Variants in ASPRV1 observed in about 807,000 individuals in gnomAD.
ASPRV1 encodes the protein retroviral-like aspartic protease 1.
In ASPRV1, 7 loss-of-function variants were observed where a neutral mutation model predicts 11.0. The observed-to-expected ratio is 0.64, with a 90% CI of 0.36 to 1.20. The LOEUF (loss-of-function observed/expected upper bound fraction) is 1.20. Among genes scored for constraint, ASPRV1 ranks in the 50% most tolerant of loss-of-function variants. The probability of loss-of-function intolerance (pLI) is 0.02; values close to 1 mark genes in which losing one functional copy is unlikely to be tolerated. For missense variants in ASPRV1, 299 were observed against 320.0 expected, an observed-to-expected ratio of 0.93 and a Z score of 0.50; for synonymous variants, 136 against 138.4, an observed-to-expected ratio of 0.98 and a Z score of 0.12.
the ASPRV1 span, among the ~76,000 whole-genome samples, chr2:69,977,061 G>A: frequency 8.9e-3 from 1,358 of 152,042 alleles, 24 homozygotes; most frequent in African/African-American, 0.031. Flanking sequence ...GCATGGTGGC[G>A]CGCACCTGTA....
the ASPRV1 span, among the ~76,000 whole-genome samples, chr2:70,052,223 T>A: frequency 6.6e-6 from 1 of 151,048 alleles, no homozygotes; most frequent in Non-Finnish European, 1.5e-5. Flanking sequence ...GTTACGGGAG[T>A]CAAAGAAGAC....
At chr2:69,939,223 A>C in the ASPRV1 span, 1 of 152,594 alleles carries the variant, frequency 6.6e-6, no homozygotes, top group African/African-American at 2.4e-5. Context: ...GAGCTGTGGC[A>C]CTAGCAGAGC....
the ASPRV1 span, among the ~76,000 whole-genome samples, chr2:70,035,246 A>T: frequency 5.9e-5 from 9 of 152,146 alleles, no homozygotes; most frequent in Admixed American, 5.2e-4. Flanking sequence ...CAGCAGCCTG[A>T]TCTTTTAGGA....
In ASPRV1 at chr2:69,961,120, T is replaced by C. The variant is rs747421482; in HGVS notation, c.317A>G (p.Asn106Ser). 8.1e-6 allele frequency: 13 copies of C among 1,613,904 alleles called. No individual in the cohort carries two copies. Among genetic ancestry groups the C allele is most frequent in the South Asian group, 2.2e-5 (2 of 91,070 alleles). Reference sequence around the variant, plus strand: ...GAGATAGTAGCCCTTACCCATGCTGTTGGCAAAGACGATCTCTTTGGGCAG... The same window carrying C: ...GAGATAGTAGCCCTTACCCATGCTGCTGGCAAAGACGATCTCTTTGGGCAG... Reference protein sequence around the residue: ...SHLPKEIVFANSMGKGYYLKG... With the variant: ...SHLPKEIVFASSMGKGYYLKG... Residue 106 changes from asparagine (N) to serine (S), a missense_variant, in exon 1 of 1, where the codon AAC (asparagine) becomes AGC (serine). Coordinates refer to ENST00000320256, the MANE Select transcript of ASPRV1 (RefSeq NM_152792.4).
chr2:69,998,103 G>A, the ASPRV1 span: 1 of 151,472 alleles, frequency 6.6e-6, no homozygotes, highest in East Asian at 1.9e-4. Flanking sequence ...ATTCATATGT[G>A]GCTCCCCTCC....
the ASPRV1 span, among the ~76,000 whole-genome samples, chr2:70,080,429 G>C: frequency 1.3e-5 from 2 of 152,112 alleles, no homozygotes; most frequent in Non-Finnish European, 2.9e-5. Flanking sequence ...GTTTCACCAC[G>C]TTGGCCAGGC....
the ASPRV1 span, among the ~76,000 whole-genome samples, chr2:70,019,917 C>CA: frequency 4.6e-5 from 7 of 151,494 alleles, no homozygotes; most frequent in African/African-American, 1.7e-4. Context: ...GGTCTTATCA[C>CA]AAAAAAATGG....
the ASPRV1 span, chr2:70,063,860 A>T: frequency 6.6e-6 from 1 of 152,220 alleles, no homozygotes; most frequent in Non-Finnish European, 1.5e-5. Flanking sequence ...TTATGACTCT[A>T]ATCCTGAATT....
upstream of ASPRV1, among the ~76,000 whole-genome samples, chr2:69,965,946 A>C (rs1678325065): frequency 6.6e-6 from 1 of 152,072 alleles, no homozygotes; most frequent in Non-Finnish European, 1.5e-5. Context: ...TGTTCTTCCC[A>C]TTTGGGTCTC....
chr2:70,009,031 A>G, the ASPRV1 span, among the ~76,000 whole-genome samples: 1 of 152,214 alleles, frequency 6.6e-6, no homozygotes, highest in Non-Finnish European at 1.5e-5. Flanking sequence ...GCTGCTCTGG[A>G]GGTAATGAGC....
chr2:69,952,465 A>G, the ASPRV1 span, among the ~76,000 whole-genome samples: 2 of 151,980 alleles, frequency 1.3e-5, no homozygotes, highest in Non-Finnish European at 2.9e-5. Flanking sequence ...TGATCGTGAC[A>G]CTGCACTCCA....
In ASPRV1 at chr2:69,961,452, T is replaced by C. The variant is rs1463979653; in HGVS notation, c.-16A>G. The C allele has an allele frequency of 6.2e-7, 1 of 1,613,966 alleles. No homozygotes were observed. The highest frequency in any genetic ancestry group is 8.5e-7 in the Non-Finnish European group (1 of 1,180,038). On this transcript the variant is annotated 5_prime_UTR_variant, in exon 1 of 1. Coordinates refer to ENST00000320256, the MANE Select transcript of ASPRV1 (RefSeq NM_152792.4). ...TCCCGGCCATCCTGCTGCTCTCCTC[T>C]GGAACCTCAGCAGCAACCCACGCCA... is the stretch of plus-strand genomic sequence containing the variant.
At chr2:69,980,315 C>G in the ASPRV1 span, among the ~76,000 whole-genome samples, 2 of 152,280 alleles carry the variant, frequency 1.3e-5, no homozygotes, top group Non-Finnish European at 2.9e-5. Context: ...TGAAAAAATC[C>G]GTAAACTCAT....
chr2:70,010,411 G>A, the ASPRV1 span, among the ~76,000 whole-genome samples: 1 of 152,130 alleles, frequency 6.6e-6, no homozygotes, highest in African/African-American at 2.4e-5. Flanking sequence ...CGTGGCAAGG[G>A]TGGAGGGCAC....
rs1678088875 is a variant in ASPRV1 at position 69,961,265 on chromosome 2, G to T, written c.172C>A (p.Leu58Ile). The T allele has an allele frequency of 1.2e-6, 2 of 1,613,998 alleles. No homozygotes were observed. Among genetic ancestry groups the T allele is most frequent in the South Asian group, 2.2e-5 (2 of 91,080 alleles). The change falls in exon 1 of 1, where the codon CTC becomes ATC. Residue 58 changes from leucine (L) to isoleucine (I), a missense_variant. Physicochemically the swap from Leu to Ile is conservative, Grantham distance 5 (BLOSUM62 2). Coordinates refer to ENST00000320256, the MANE Select transcript of ASPRV1 (RefSeq NM_152792.4). ...TAGACACCCAGGGCCTCTCCTCTGA[G>T]GGACTCTTTCAGGAACCTTAGCTTG... is the stretch of plus-strand genomic sequence containing the variant. ...ITKLRFLKES[L>I]RGEALGVYNR...
chr2:70,044,386 A>G, the ASPRV1 span, among the ~76,000 whole-genome samples: 1 of 152,178 alleles, frequency 6.6e-6, no homozygotes, highest in Non-Finnish European at 1.5e-5. Flanking sequence ...CCCAGGGGCC[A>G]GGATCCCTGG....
At chr2:70,036,994 T>A in the ASPRV1 span, among the ~76,000 whole-genome samples, 67 of 152,024 alleles carry the variant, frequency 4.4e-4, no homozygotes, top group East Asian at 1.5e-3. Flanking sequence ...AAATACCACC[T>A]CCCCTCCAAG....
the ASPRV1 span, among the ~76,000 whole-genome samples, chr2:69,987,834 T>C: frequency 1.3e-5 from 2 of 152,150 alleles, no homozygotes; most frequent in African/African-American, 4.8e-5. Context: ...CCTGTGTGGG[T>C]AGGACACTTA....
the ASPRV1 span, among the ~76,000 whole-genome samples, chr2:69,998,919 C>T: frequency 2.0e-5 from 3 of 151,982 alleles, no homozygotes; most frequent in South Asian, 2.1e-4. Flanking sequence ...AGTCAGCAGT[C>T]GGGCACAGGC....
Sources: allele counts gnomAD v4.1 joint callset (sites outside exome capture counted in the v4.1 genomes callset), GRCh38; gene constraint gnomAD v4.1.1; transcripts MANE v1.5; gene names NCBI Gene and HGNC (gene_info 2026-07-23, HGNC 2026-07-21).